WWOX: variants seen among roughly 807,000 people sequenced by gnomAD.
WWOX encodes WW domain containing oxidoreductase, also known as WW domain-containing oxidoreductase.
A neutral mutation model predicts 46.2 loss-of-function variants in WWOX; 69 were observed. That is an observed-to-expected ratio of 1.49 (90% confidence interval 1.23 to 1.82). The LOEUF (loss-of-function observed/expected upper bound fraction) is 1.82, where lower values mean the gene tolerates loss of function less well. Ranked by LOEUF, WWOX falls within the 40% of genes most tolerant of loss-of-function variation. The pLI is 0.00. For missense variants in WWOX, 919 were observed against 542.6 expected, an observed-to-expected ratio of 1.69 and a Z score of -6.89; for synonymous variants, 359 against 202.6, an observed-to-expected ratio of 1.77 and a Z score of -6.56.
intron 6 of WWOX, among the ~76,000 whole-genome samples, chr16:78,409,394 G>A (rs1260058161): frequency 6.6e-6 from 1 of 151,984 alleles, no homozygotes; most frequent in African/African-American, 2.4e-5. Context: ...CCTAGCCCCT[G>A]GGAACCATTG....
At chr16:78,471,597 T>C (rs2084222962) in intron 8 of WWOX, among the ~76,000 whole-genome samples, 1 of 152,238 alleles carries the variant, frequency 6.6e-6, no homozygotes, top group African/African-American at 2.4e-5. Flanking sequence ...TTGCCTTTTC[T>C]ATTATTGCCC....
At chr16:78,653,032 C>G (rs2047000875) in intron 8 of WWOX, among the ~76,000 whole-genome samples, 1 of 151,990 alleles carries the variant, frequency 6.6e-6, no homozygotes, top group South Asian at 2.1e-4. Context: ...TGAAAATGTT[C>G]TATTAATTCC....
chr16:79,017,994 G>T (rs557304066), intron 8 of WWOX, among the ~76,000 whole-genome samples: 2 of 152,298 alleles, frequency 1.3e-5, no homozygotes, highest in African/African-American at 4.8e-5. Context: ...ATCCAAAAAG[G>T]TTATGTACTG....
At chr16:78,235,829 G>C (rs1342545360) in intron 5 of WWOX, among the ~76,000 whole-genome samples, 1 of 152,218 alleles carries the variant, frequency 6.6e-6, no homozygotes, top group Non-Finnish European at 1.5e-5. Flanking sequence ...ACTGCCCAGA[G>C]ATCCTGCCTC....
intron 8 of WWOX, among the ~76,000 whole-genome samples, chr16:79,178,411 G>A (rs1379953491): frequency 6.6e-6 from 1 of 152,014 alleles, no homozygotes; most frequent in Non-Finnish European, 1.5e-5. Context: ...CAACCTCCTG[G>A]GATCAAGCAG....
At chr16:79,106,437 A>G (rs1262246619) in intron 8 of WWOX, among the ~76,000 whole-genome samples, 1 of 152,146 alleles carries the variant, frequency 6.6e-6, no homozygotes, top group African/African-American at 2.4e-5. Context: ...ATCAAGATTG[A>G]GGGATTCTGG....
chr16:78,789,243 C>T (rs576072214), intron 8 of WWOX, among the ~76,000 whole-genome samples: 10 of 152,124 alleles, frequency 6.6e-5, no homozygotes, highest in African/African-American at 2.4e-4. Context: ...TCCCTGAAAC[C>T]ACCCCTCTAT....
At chr16:78,796,767 T>G (rs965280645) in intron 8 of WWOX, among the ~76,000 whole-genome samples, 2 of 152,042 alleles carry the variant, frequency 1.3e-5, no homozygotes, top group African/African-American at 4.8e-5. Context: ...AGCCACTCAT[T>G]GCTGTGTGAG....
At chr16:78,549,207 G>A (rs2044119088) in intron 8 of WWOX, among the ~76,000 whole-genome samples, 1 of 152,138 alleles carries the variant, frequency 6.6e-6, no homozygotes, top group African/African-American at 2.4e-5. Context: ...TAGAATCAAA[G>A]GCAGAATTAA....
intron 8 of WWOX, among the ~76,000 whole-genome samples, chr16:78,728,821 C>T (rs2048895822): frequency 6.6e-6 from 1 of 152,262 alleles, no homozygotes; most frequent in Middle Eastern, 3.4e-3. Context: ...GCTATGGGAC[C>T]TCAGGTATGT....
intron 8 of WWOX, among the ~76,000 whole-genome samples, chr16:79,043,797 T>C (rs748533185): frequency 3.9e-5 from 6 of 152,174 alleles, no homozygotes; most frequent in Non-Finnish European, 8.8e-5. Flanking sequence ...AGTTTTGATC[T>C]CTTCTCTGCT....
At chr16:79,021,086 G>T (rs1386850969) in intron 8 of WWOX, among the ~76,000 whole-genome samples, 1 of 152,146 alleles carries the variant, frequency 6.6e-6, no homozygotes, top group Non-Finnish European at 1.5e-5. Flanking sequence ...ATTCAAAATG[G>T]AATCTTTAAT....
chr16:79,093,064 G>T (rs1166634059), intron 8 of WWOX, among the ~76,000 whole-genome samples: 1 of 152,222 alleles, frequency 6.6e-6, no homozygotes, highest in East Asian at 1.9e-4. Flanking sequence ...TTCAACAGCT[G>T]TAAAGAAAGA....
chr16:78,836,823 A>T (rs1011340793), intron 8 of WWOX, among the ~76,000 whole-genome samples: 1 of 152,162 alleles, frequency 6.6e-6, no homozygotes, highest in Non-Finnish European at 1.5e-5. Context: ...TTGGATTCCT[A>T]ATCACGGGAC....
At chr16:78,207,877 A>C (rs765012790) in intron 5 of WWOX, among the ~76,000 whole-genome samples, 6 of 151,354 alleles carry the variant, frequency 4.0e-5, no homozygotes, top group Non-Finnish European at 8.8e-5. Context: ...CAGTGGCGTG[A>C]TCTTGGTTCA....
At chr16:78,844,179 C>T (rs370852939) in intron 8 of WWOX, among the ~76,000 whole-genome samples, 1 of 152,132 alleles carries the variant, frequency 6.6e-6, no homozygotes, top group Admixed American at 6.5e-5. Flanking sequence ...AGTGATTCCC[C>T]ACCTCCATAC....
chr16:78,497,076 A>G (rs1199385546), intron 8 of WWOX, among the ~76,000 whole-genome samples: 4 of 152,236 alleles, frequency 2.6e-5, no homozygotes, highest in South Asian at 2.1e-4. Context: ...GCTAAGGCCC[A>G]AGCCGTCTAT....
At chr16:78,320,963 C>T (rs2080454882) in intron 5 of WWOX, among the ~76,000 whole-genome samples, 1 of 152,064 alleles carries the variant, frequency 6.6e-6, no homozygotes. Flanking sequence ...GTCTTGTTTA[C>T]AATTAGAGTC....
chr16:78,511,871 A>G (rs1223047539), intron 8 of WWOX, among the ~76,000 whole-genome samples: 1 of 152,206 alleles, frequency 6.6e-6, no homozygotes, highest in Admixed American at 6.5e-5. Context: ...TGAATATTAA[A>G]TACAACATGC....
Sources: gnomAD v4.1 joint callset for allele counts (sites outside exome capture counted in the v4.1 genomes callset) on GRCh38, gnomAD v4.1.1 for gene constraint, MANE v1.5 for transcripts, NCBI Gene and HGNC (gene_info 2026-07-23, HGNC 2026-07-21) for gene names.